DIO1: variants seen among roughly 807,000 people sequenced by gnomAD.
DIO1 encodes iodothyronine deiodinase 1, also known as type I iodothyronine deiodinase.
Under a neutral mutation model 25.9 loss-of-function variants are expected in DIO1, and 17 were observed. That is an observed-to-expected ratio of 0.66 (90% CI 0.45 to 0.98). DIO1 has a LOEUF of 0.98. Ranked by LOEUF, DIO1 falls within the 50% of genes least tolerant of loss-of-function variation. The pLI, the probability that DIO1 is intolerant of heterozygous loss-of-function variation, is 0.00. For missense variants in DIO1, 270 were observed against 310.4 expected (o/e 0.87, Z 0.98); for synonymous variants, 115 against 114.0 (o/e 1.01, Z -0.05).
At chr1:53,909,785 T>C (rs1181711619) in intron 3 of DIO1, 146 bp from the exon 4 acceptor site, 2 of 723,972 alleles carry the variant, frequency 2.8e-6, no homozygotes, top group African/African-American at 3.5e-5. Flanking sequence ...CACCTCACGG[T>C]TGCATCTGCC....
At chr1:53,905,165 A>ATTT (rs1194459720) in intron 2 of DIO1, among the ~76,000 whole-genome samples, 47 of 118,968 alleles carry the variant, frequency 4.0e-4, no homozygotes, top group African/African-American at 9.6e-4. Context: ...CCTTATGGCT[A>ATTT]TTTTTTTTTT....
At chr1:53,895,395 C>A (rs902152631) in intron 1 of DIO1, among the ~76,000 whole-genome samples, 17 of 152,138 alleles carry the variant, frequency 1.1e-4, no homozygotes, top group African/African-American at 4.1e-4. Flanking sequence ...TGCATTCCAG[C>A]CTGGGCAACA....
chr1:53,901,318 G>C (rs374975107), intron 1 of DIO1, among the ~76,000 whole-genome samples: 1 of 152,014 alleles, frequency 6.6e-6, no homozygotes, highest in Admixed American at 6.6e-5. Flanking sequence ...TGGTTTTCTT[G>C]GTCACACACA....
chr1:53,894,556 G>T lies in DIO1; in HGVS notation c.337+9G>T. ...TTGGGAGTTTATGCAAGGTCAGGAG[G>T]CTGCCACACACTTGAGGGGTGCTTG... On this transcript the variant is annotated intron_variant, in intron 1 of 3. Coordinates refer to ENST00000361921, the MANE Select transcript of DIO1 (RefSeq NM_000792.7). The surrounding 1 kb of genome is among the most constrained non-coding windows in gnomAD (Gnocchi z 4.9). 1.9e-6 allele frequency: 3 copies of T among 1,607,864 alleles called. No homozygotes were observed. Among genetic ancestry groups the T allele is most frequent in the Non-Finnish European group, 1.7e-6 (2 of 1,176,712 alleles).
intron 3 of DIO1, among the ~76,000 whole-genome samples, chr1:53,909,368 A>G (rs1187948038): frequency 1.3e-5 from 2 of 152,024 alleles, no homozygotes; most frequent in Non-Finnish European, 2.9e-5. Context: ...GTGAATCAAG[A>G]TTGCGCCATT....
At chr1:53,907,766 C>G (rs1404114237) in intron 3 of DIO1, among the ~76,000 whole-genome samples, 1 of 151,236 alleles carries the variant, frequency 6.6e-6, no homozygotes, top group African/African-American at 2.4e-5. Flanking sequence ...ACAAAATTAG[C>G]CAGGCGTGGT....
chr1:53,904,565 G>A, intron 1 of DIO1, 101 bp from the exon 2 acceptor site: 1 of 1,455,796 alleles, frequency 6.9e-7, no homozygotes, highest in Non-Finnish European at 9.4e-7. Flanking sequence ...GGGGGGTAGG[G>A]GGAAATAAAA....
intron 3 of DIO1, among the ~76,000 whole-genome samples, chr1:53,906,654 C>CTTTCTTTCTTTTTTTTT (rs1651671429): frequency 6.7e-6 from 1 of 148,492 alleles, no homozygotes. Flanking sequence ...TTTTGGGTTT[C>CTTTCTTTCTTTTTTTTT]TTTCTTTCTT....
chr1:53,906,656 T>G (rs1290312957), intron 3 of DIO1, among the ~76,000 whole-genome samples: 1 of 149,146 alleles, frequency 6.7e-6, no homozygotes, highest in East Asian at 1.9e-4. Flanking sequence ...TTGGGTTTCT[T>G]TCTTTCTTTT....
intron 1 of DIO1, among the ~76,000 whole-genome samples, chr1:53,895,294 G>A (rs1651015950): frequency 6.6e-6 from 1 of 152,134 alleles, no homozygotes; most frequent in African/African-American, 2.4e-5. Flanking sequence ...GTGGTGGTGT[G>A]CACCTGTAAT....
intron 1 of DIO1, among the ~76,000 whole-genome samples, chr1:53,895,116 T>C (rs540551785): frequency 1.3e-5 from 2 of 152,308 alleles, no homozygotes; most frequent in East Asian, 3.9e-4. Flanking sequence ...TGGTAGCTGC[T>C]CAGTAAATAC....
chr1:53,900,395 G>C (rs1173515879), intron 1 of DIO1, among the ~76,000 whole-genome samples: 3 of 152,154 alleles, frequency 2.0e-5, no homozygotes, highest in East Asian at 3.9e-4. Flanking sequence ...CTTGAGGTCA[G>C]GAGTTCAAGA....
chr1:53,894,580 T>A lies in DIO1; in HGVS notation c.337+33T>A, dbSNP rs1467033807. The stretch of plus-strand genomic sequence containing the variant: ...GGCTGCCACACACTTGAGGGGTGCT[T>A]GAAATAGCAGTGGTAGAGGGGGATG... On this transcript the variant is annotated intron_variant, in intron 1 of 3. Transcript: ENST00000361921. The surrounding 1 kb of genome is among the most constrained non-coding windows in gnomAD (Gnocchi z 4.9). The A allele has an allele frequency of 6.4e-7, 1 of 1,573,756 alleles. No homozygotes were observed. The highest frequency in any genetic ancestry group is 1.3e-5 in the African/African-American group (1 of 74,136).
At chr1:53,898,543 G>A (rs1488740603) in intron 1 of DIO1, among the ~76,000 whole-genome samples, 3 of 151,976 alleles carry the variant, frequency 2.0e-5, no homozygotes, top group East Asian at 3.9e-4. Flanking sequence ...TCAGGAGTTC[G>A]AGACCAGCCT....
Position 53,910,330 on chromosome 1 carries a change from A to T in DIO1, c.*331A>T. ...CCCTGCACACGGTCTTTGAGAGAGC[A>T]GTTGCACTCTACAGGCACACTTCTG... On this transcript the variant is annotated 3_prime_UTR_variant, in exon 4 of 4. Transcript: ENST00000361921. 1 of 307,796 alleles carries T rather than the reference A, an allele frequency of 3.2e-6. No homozygotes were observed. Among genetic ancestry groups the T allele is most frequent in the Non-Finnish European group, 6.3e-6 (1 of 159,016 alleles). The allele number at this position is 307,796 out of a possible 1,614,324, so 19.1% of individuals were successfully genotyped here.
chr1:53,908,686 G>T (rs1004659657), intron 3 of DIO1, among the ~76,000 whole-genome samples: 1 of 152,164 alleles, frequency 6.6e-6, no homozygotes, highest in Non-Finnish European at 1.5e-5. Flanking sequence ...GTGAATAAAC[G>T]ATTGGAGACA....
Position 53,898,940 on chromosome 1 carries a change from C to T in DIO1, c.337+4393C>T, listed in dbSNP as rs368503379. On this transcript the variant is annotated intron_variant, in intron 1 of 3. Transcript: ENST00000361921. ...CAAAAGTCCAGAGAGGTGAATGACT[C>T]GCTTAGAGTCACACAGTGAGTTCTT... Among the ~76,000 whole-genome samples the T allele has an allele frequency of 4.6e-5, 7 of 152,232 alleles. No homozygotes were observed. In the East Asian group the frequency reaches 5.8e-4, roughly 13 times the overall value.
intron 1 of DIO1, among the ~76,000 whole-genome samples, chr1:53,902,443 C>T (rs1651415880): frequency 6.6e-6 from 1 of 151,756 alleles, no homozygotes; most frequent in East Asian, 1.9e-4. Context: ...GGGAGACTTG[C>T]ATATTTTAAG....
At chr1:53,898,744 C>CAAAAAAAAA (rs60469690) in intron 1 of DIO1, among the ~76,000 whole-genome samples, 2,518 of 106,226 alleles carry the variant, frequency 0.024, 55 homozygotes, top group East Asian at 0.05. Flanking sequence ...GACTCTGTCT[C>CAAAAAAAAA]AAAAAAAAAA....
Sources: allele counts gnomAD v4.1 joint callset (sites outside exome capture counted in the v4.1 genomes callset), GRCh38; gene constraint gnomAD v4.1.1; non-coding constraint Gnocchi (gnomAD v3.1); transcripts MANE v1.5; gene names NCBI Gene and HGNC (gene_info 2026-07-23, HGNC 2026-07-21).